KIF26B: variants seen among roughly 807,000 people sequenced by gnomAD.
KIF26B encodes kinesin family member 26B.
In KIF26B, 63 loss-of-function variants were observed where a neutral mutation model predicts 151.2. The ratio of observed to expected loss-of-function variants is 0.42; its 90% CI spans 0.34 to 0.51. The LOEUF (loss-of-function observed/expected upper bound fraction) is 0.51. Ranked by LOEUF, KIF26B falls within the 20% of genes least tolerant of loss-of-function variation. KIF26B has a pLI of 0.07. For missense variants in KIF26B, 2,813 were observed against 2,913.6 expected (o/e 0.97, Z 0.79); for synonymous variants, 1,357 against 1,262.1 (o/e 1.08, Z -1.59).
At chr1:245,155,993 T>TC (rs748632736) in intron 1 of KIF26B, among the ~76,000 whole-genome samples, 2 of 57,640 alleles carry the variant, frequency 3.5e-5, no homozygotes, top group South Asian at 3.6e-4. Context: ...AACCTATGGA[T>TC]CCCCCCCGCC....
At chr1:245,248,017 C>T (rs572135151) in intron 2 of KIF26B, among the ~76,000 whole-genome samples, 1 of 152,254 alleles carries the variant, frequency 6.6e-6, no homozygotes, top group African/African-American at 2.4e-5. Context: ...CTACTTCTAT[C>T]AGTCACAGCA....
intron 5 of KIF26B, among the ~76,000 whole-genome samples, chr1:245,582,687 A>G (rs993636305): frequency 3.3e-5 from 5 of 152,176 alleles, no homozygotes; most frequent in Non-Finnish European, 5.9e-5. Context: ...AAGAAAATGC[A>G]CAGGACCTAG....
chr1:245,279,476 T>G (rs1452247219), intron 2 of KIF26B, among the ~76,000 whole-genome samples: 4 of 151,962 alleles, frequency 2.6e-5, no homozygotes, highest in African/African-American at 9.7e-5. Flanking sequence ...CGGGGCTAAT[T>G]TTGTAAATTT....
At position 245,686,269 on chromosome 1, in the gene KIF26B, G is replaced by A; in HGVS notation, c.3286G>A (p.Gly1096Arg). The A allele has an allele frequency of 6.2e-7, 1 of 1,612,910 alleles. No homozygotes were observed. The highest frequency in any genetic ancestry group is 8.5e-7 in the Non-Finnish European group (1 of 1,179,878). The change falls in exon 12 of 15, where the codon GGG becomes AGG. Residue 1096 changes from glycine to arginine, a missense_variant. Physicochemically the swap from Gly to Arg is moderately radical, Grantham distance 125. Coordinates refer to ENST00000407071, the MANE Select transcript of KIF26B (RefSeq NM_018012.4). This position sits in a 1 kb window ranked among gnomAD's most constrained non-coding sequence, Gnocchi z 5.6. The stretch of plus-strand genomic sequence containing the variant: ...GAGATGCAAAGTCTACACCCAGAAG[G>A]GGGTCCTGCCGTCTCCCGCCCCACT... ...SQRCKVYTQKGVLPSPAPLPP... is the reference protein window; with the variant it reads ...SQRCKVYTQKRVLPSPAPLPP...
intron 10 of KIF26B, among the ~76,000 whole-genome samples, chr1:245,673,385 TGCCATCTTAGGCCCAGTCCCCGCTGCGC>T: frequency 3.6e-5 from 5 of 139,976 alleles, no homozygotes; most frequent in African/African-American, 1.1e-4. Flanking sequence ...CGCTGCGCGC[TGCCATCTTAGGCCCAGTCCCCGCTGCGC>T]GCTGCCATCT....
chr1:245,588,269 TAAG>T lies in KIF26B; in HGVS notation c.1351-14302_1351-14300del, dbSNP rs374536670. On this transcript the variant is annotated intron_variant, in intron 5 of 14. Coordinates refer to ENST00000407071, the MANE Select transcript of KIF26B (RefSeq NM_018012.4). Reference sequence around the variant, plus strand: ...CATCTGATCTTCCATATACACATTTTAAGAAGAAAATAAAGAGAAGACACGTCC... The same window carrying T: ...CATCTGATCTTCCATATACACATTTTAAGAAAATAAAGAGAAGACACGTCC... Among the ~76,000 whole-genome samples the T allele has an allele frequency of 1.0e-3, 156 of 152,266 alleles. 2 individuals carry two copies. The South Asian group carries it at 0.03, about 29-fold the overall frequency.
chr1:245,168,784 G>A (rs1476255332), intron 2 of KIF26B, among the ~76,000 whole-genome samples: 4 of 152,208 alleles, frequency 2.6e-5, no homozygotes, highest in African/African-American at 4.8e-5. Context: ...TGCCCCTGAC[G>A]TGGGTTTAAT....
chr1:245,509,120 C>CT (rs766061491), intron 4 of KIF26B, among the ~76,000 whole-genome samples: 1 of 152,174 alleles, frequency 6.6e-6, no homozygotes, highest in African/African-American at 2.4e-5. Context: ...GGAGTAGCTA[C>CT]TTTTTCCAGA....
intron 12 of KIF26B, among the ~76,000 whole-genome samples, chr1:245,697,180 ACACAG>A (rs1171146686): frequency 5.3e-5 from 8 of 152,168 alleles, no homozygotes; most frequent in Non-Finnish European, 8.8e-5. Context: ...GAGAAAATTA[ACACAG>A]CAGTGAGTGC....
At chr1:245,369,947 G>C (rs886697369) in intron 3 of KIF26B, among the ~76,000 whole-genome samples, 30 of 152,172 alleles carry the variant, frequency 2.0e-4, no homozygotes, top group Non-Finnish European at 4.4e-5. Flanking sequence ...TAACCTTCTA[G>C]GGCAGGAACA....
chr1:245,638,658 T>C (rs549995501), intron 9 of KIF26B, among the ~76,000 whole-genome samples: 10 of 151,972 alleles, frequency 6.6e-5, no homozygotes, highest in Admixed American at 6.6e-4. Flanking sequence ...TTGAGGTATG[T>C]TCCTTCTATA....
chr1:245,252,084 A>G (rs934776049), intron 2 of KIF26B, among the ~76,000 whole-genome samples: 1 of 151,718 alleles, frequency 6.6e-6, no homozygotes, highest in African/African-American at 2.4e-5. Flanking sequence ...GCAACGTGGT[A>G]AAAACCCGTC....
chr1:245,227,270 T>C lies in KIF26B; in HGVS notation c.465+70587T>C, dbSNP rs1573720125. ...TTACCTGGAAGGTCCAGAAAGAAAT[T>C]CCCCTTCCTTCCACAGCCAGAGGAT... On this transcript the variant is annotated intron_variant, in intron 2 of 14. Coordinates refer to ENST00000407071, the MANE Select transcript of KIF26B (RefSeq NM_018012.4). The surrounding 1 kb of genome is among the most constrained non-coding windows in gnomAD (Gnocchi z 4.1). Among the ~76,000 whole-genome samples the C allele has an allele frequency of 2.0e-5, 3 of 152,158 alleles. No homozygotes were observed. The South Asian group carries it at 6.2e-4, about 32-fold the overall frequency.
chr1:245,266,813 C>G (rs1328843116), intron 2 of KIF26B, among the ~76,000 whole-genome samples: 1 of 152,034 alleles, frequency 6.6e-6, no homozygotes, highest in Non-Finnish European at 1.5e-5. Flanking sequence ...CCTGTTTTAC[C>G]ATTTTCTAAT....
chr1:245,261,472 TCTCTC>T (rs1670638405), intron 2 of KIF26B, among the ~76,000 whole-genome samples: 2 of 7,960 alleles, frequency 2.5e-4, no homozygotes, highest in South Asian at 7.0e-3. Flanking sequence ...TTTCTTTCTC[TCTCTC>T]TCTCTCTCTC....
intron 4 of KIF26B, among the ~76,000 whole-genome samples, chr1:245,517,453 C>G (rs1187440051): frequency 6.6e-6 from 1 of 152,008 alleles, no homozygotes; most frequent in Admixed American, 6.6e-5. Context: ...TTGCATTATG[C>G]TTTTGAAACT....
chr1:245,272,502 A>AT (rs1179237729), intron 2 of KIF26B, among the ~76,000 whole-genome samples: 1 of 151,654 alleles, frequency 6.6e-6, no homozygotes, highest in Non-Finnish European at 1.5e-5. Flanking sequence ...TTGTTTTTAT[A>AT]TTTTCTATTT....
chr1:245,536,290 T>A (rs1162558960), intron 4 of KIF26B, among the ~76,000 whole-genome samples: 2 of 152,172 alleles, frequency 1.3e-5, no homozygotes. Flanking sequence ...AAAGAGAGCT[T>A]TCTTGAAAGA....
At chr1:245,478,928 A>G (rs77397647) in intron 4 of KIF26B, among the ~76,000 whole-genome samples, 12,167 of 151,818 alleles carry the variant, frequency 0.08, 911 homozygotes, top group East Asian at 0.26. Context: ...ACTGTGAGAG[A>G]AAGTAAGGTT....
Sources: allele counts gnomAD v4.1 joint callset (sites outside exome capture counted in the v4.1 genomes callset), GRCh38; gene constraint gnomAD v4.1.1; non-coding constraint Gnocchi (gnomAD v3.1); transcripts MANE v1.5; gene names NCBI Gene and HGNC (gene_info 2026-07-23, HGNC 2026-07-21).